CSMD1: variants seen among roughly 807,000 people sequenced by gnomAD.
CSMD1 encodes CUB and Sushi multiple domains 1.
In CSMD1, 213 loss-of-function variants were observed where a neutral mutation model predicts 417.5. The observed-to-expected ratio is 0.51, with a 90% CI of 0.46 to 0.57. CSMD1 has a LOEUF of 0.57. CSMD1 is among the 20% of genes least tolerant of loss of function. CSMD1 has a pLI of 0.00. For missense variants in CSMD1, 6,923 were observed against 4,529.7 expected (o/e 1.53, Z -15.17); for synonymous variants, 2,862 against 1,736.8 (o/e 1.65, Z -16.11).
intron 1 of CSMD1, among the ~76,000 whole-genome samples, chr8:4,844,310 T>C (rs2116796212): frequency 6.6e-6 from 1 of 152,306 alleles, no homozygotes; most frequent in Middle Eastern, 3.4e-3. Flanking sequence ...CATCAGTAGA[T>C]AGTGCCGTTA....
At chr8:3,993,867 T>C (rs1050401034) in intron 5 of CSMD1, among the ~76,000 whole-genome samples, 8 of 152,200 alleles carry the variant, frequency 5.3e-5, no homozygotes, top group Admixed American at 2.0e-4. Flanking sequence ...AGCATTATGA[T>C]AATGGGATCG....
intron 4 of CSMD1, among the ~76,000 whole-genome samples, chr8:4,008,206 T>G (rs555615275): frequency 1.3e-5 from 2 of 152,208 alleles, no homozygotes; most frequent in Admixed American, 6.5e-5. Flanking sequence ...CTGGAAAAAT[T>G]AGTTCAAGTT....
intron 10 of CSMD1, among the ~76,000 whole-genome samples, chr8:3,544,536 G>A (rs977997381): frequency 2.9e-4 from 44 of 152,018 alleles, no homozygotes; most frequent in African/African-American, 8.9e-4. Context: ...CTGTGGACTC[G>A]CCCTGAATTG....
chr8:4,065,672 T>C (rs1319764874), intron 3 of CSMD1, among the ~76,000 whole-genome samples: 2 of 152,212 alleles, frequency 1.3e-5, no homozygotes, highest in African/African-American at 4.8e-5. Context: ...CACTACCAAC[T>C]TCTGGAAGAT....
At chr8:3,643,618 G>A (rs1223257622) in intron 7 of CSMD1, among the ~76,000 whole-genome samples, 3 of 150,416 alleles carry the variant, frequency 2.0e-5, no homozygotes, top group Admixed American at 6.6e-5. Context: ...GGAGAATGGC[G>A]TGAACCCGGG....
At chr8:4,099,814 C>T (rs528027391) in intron 3 of CSMD1, among the ~76,000 whole-genome samples, 1 of 152,158 alleles carries the variant, frequency 6.6e-6, no homozygotes, top group South Asian at 2.1e-4. Flanking sequence ...CTTTAAATCC[C>T]TGATTGTATC....
At chr8:4,764,121 T>G (rs1049173717) in intron 1 of CSMD1, among the ~76,000 whole-genome samples, 1 of 152,214 alleles carries the variant, frequency 6.6e-6, no homozygotes, top group Non-Finnish European at 1.5e-5. Context: ...CTACTTTATA[T>G]GAGATTTCGC....
intron 5 of CSMD1, among the ~76,000 whole-genome samples, chr8:3,898,924 G>C (rs947333783): frequency 6.6e-6 from 1 of 152,020 alleles, no homozygotes; most frequent in Non-Finnish European, 1.5e-5. Flanking sequence ...CTCTATTCAA[G>C]AACCTCTGCC....
intron 10 of CSMD1, among the ~76,000 whole-genome samples, chr8:3,507,999 C>T (rs1292780273): frequency 6.6e-6 from 1 of 152,128 alleles, no homozygotes; most frequent in African/African-American, 2.4e-5. Flanking sequence ...TGTGCAGAGG[C>T]TCTTGAGTTT....
At chr8:3,835,281 C>A (rs932319439) in intron 5 of CSMD1, among the ~76,000 whole-genome samples, 1 of 151,948 alleles carries the variant, frequency 6.6e-6, no homozygotes, top group Non-Finnish European at 1.5e-5. Flanking sequence ...ATGTTTACTG[C>A]GGCACTATTC....
At chr8:4,631,134 G>A (rs866902639) in intron 2 of CSMD1, among the ~76,000 whole-genome samples, 39 of 152,182 alleles carry the variant, frequency 2.6e-4, no homozygotes, top group East Asian at 1.9e-4. Flanking sequence ...AGGCCGAGGC[G>A]GGTGGATCAC....
intron 29 of CSMD1, among the ~76,000 whole-genome samples, chr8:3,215,191 G>T (rs995733616): frequency 6.6e-6 from 1 of 152,126 alleles, no homozygotes; most frequent in African/African-American, 2.4e-5. Flanking sequence ...TTTCTTATAC[G>T]AATAACAACA....
intron 23 of CSMD1, among the ~76,000 whole-genome samples, chr8:3,315,096 T>C (rs995213705): frequency 1.3e-5 from 2 of 152,234 alleles, no homozygotes; most frequent in Non-Finnish European, 2.9e-5. Context: ...TAATTTTACC[T>C]AAGACATTTC....
intron 10 of CSMD1, among the ~76,000 whole-genome samples, chr8:3,562,851 T>C (rs1799528284): frequency 6.6e-6 from 1 of 152,026 alleles, no homozygotes; most frequent in South Asian, 2.1e-4. Context: ...TGAAATAATC[T>C]GTACAACAAA....
chr8:4,723,324 C>A lies in CSMD1; in HGVS notation c.86-85766G>T, dbSNP rs150315693. On this transcript the variant is annotated intron_variant, in intron 1 of 69. Transcript: ENST00000635120. The stretch of plus-strand genomic sequence containing the variant: ...TTACTACAATAGCCAGGATTGATAC[C>A]CGGGAGTTAGAAGAAAACTCTTTCA... Among the ~76,000 whole-genome samples, 419 of 152,218 alleles carry A rather than the reference C, an allele frequency of 2.8e-3. 2 individuals carry two copies. The highest frequency in any genetic ancestry group is 3.9e-3 in the Admixed American group (59 of 15,268).
At chr8:3,766,219 T>A (rs1409599052) in intron 5 of CSMD1, among the ~76,000 whole-genome samples, 1 of 152,182 alleles carries the variant, frequency 6.6e-6, no homozygotes, top group African/African-American at 2.4e-5. Context: ...TGGTGCGCTT[T>A]CTTCTGCCGG....
chr8:3,408,357 A>G (rs952162821), intron 13 of CSMD1, 132 bp from the exon 14 acceptor site: 23 of 653,852 alleles, frequency 3.5e-5, no homozygotes, highest in South Asian at 6.0e-5. Flanking sequence ...CTATTTTAAT[A>G]TAAGTAATTC....
intron 1 of CSMD1, among the ~76,000 whole-genome samples, chr8:4,855,475 G>A (rs1159420545): frequency 1.3e-5 from 2 of 152,228 alleles, no homozygotes; most frequent in African/African-American, 4.8e-5. Context: ...TCAGCTACGG[G>A]AGGACATTCA....
intron 3 of CSMD1, among the ~76,000 whole-genome samples, chr8:4,221,081 C>G (rs1468129902): frequency 6.6e-6 from 1 of 152,096 alleles, no homozygotes; most frequent in Non-Finnish European, 1.5e-5. Flanking sequence ...TTGGGGAAAT[C>G]ACTTCATTTA....
Sources: gnomAD v4.1 joint callset for allele counts (sites outside exome capture counted in the v4.1 genomes callset) on GRCh38, gnomAD v4.1.1 for gene constraint, MANE v1.5 for transcripts, NCBI Gene and HGNC (gene_info 2026-07-23, HGNC 2026-07-21) for gene names.